Variants in ARFGAP1 observed in about 807,000 individuals in gnomAD.
ARFGAP1 encodes ARF GTPase activating protein 1, also known as ADP-ribosylation factor GTPase-activating protein 1.
In ARFGAP1, 26 loss-of-function variants were observed where a neutral mutation model predicts 54.0. That is an observed-to-expected ratio of 0.48 (90% CI 0.35 to 0.67). The LOEUF (loss-of-function observed/expected upper bound fraction) is 0.67, where lower values mean the gene tolerates loss of function less well. Ranked by LOEUF, ARFGAP1 falls within the 30% of genes least tolerant of loss-of-function variation. The pLI, the probability that ARFGAP1 is intolerant of heterozygous loss-of-function variation, is 0.00. For synonymous variants in ARFGAP1, 248 were observed against 211.9 expected, an observed-to-expected ratio of 1.17 and a Z score of -1.48; for missense variants, 525 against 535.8, an observed-to-expected ratio of 0.98 and a Z score of 0.20.
intron 8 of ARFGAP1, 53 bp from the exon 9 acceptor site, chr20:63,282,766 G>A: frequency 6.2e-7 from 1 of 1,602,242 alleles, no homozygotes; most frequent in African/African-American, 1.3e-5. Context: ...GAGGAAGGAT[G>A]CCTGGCAGCC....
intron 11 of ARFGAP1, 91 bp from the exon 12 acceptor site, chr20:63,286,275 G>T: frequency 6.3e-7 from 1 of 1,586,674 alleles, no homozygotes; most frequent in South Asian, 1.1e-5. Context: ...TTCTCAGCGG[G>T]ACGGCGCGTG....
chr20:63,275,756 G>A (rs1177966126), intron 2 of ARFGAP1, 116 bp downstream of exon 2: 22 of 1,064,234 alleles, frequency 2.1e-5, no homozygotes, highest in South Asian at 8.0e-5. Context: ...GGTGGTTGGC[G>A]TGGCTCTGGA....
chr20:63,280,743 T>C (rs2067359159), intron 7 of ARFGAP1, among the ~76,000 whole-genome samples: 3 of 152,254 alleles, frequency 2.0e-5, no homozygotes, highest in African/African-American at 7.2e-5. Flanking sequence ...AGCTGCTCTC[T>C]GGGGAAGGCA....
In ARFGAP1 at chr20:63,278,892, T is replaced by C; in HGVS notation, c.531-7T>C. On this transcript the variant is annotated splice_polypyrimidine_tract_variant and splice_region_variant and intron_variant, in intron 6 of 12. Transcript: ENST00000370283. ...CATCTTCGGCCTCTTGTCCGCTTTG[T>C]TTTCAGGGCCCAGGGGAATCGCTAC... 6.2e-7 allele frequency: 1 copy of C among 1,614,064 alleles called. No individual in the cohort carries two copies. The highest frequency in any genetic ancestry group is 8.5e-7 in the Non-Finnish European group (1 of 1,179,936).
chr20:63,272,985 G>T (rs555460878), intron 1 of ARFGAP1, 65 bp downstream of exon 1: 4 of 151,936 alleles, frequency 2.6e-5, no homozygotes, highest in Admixed American at 6.6e-5. Flanking sequence ...GTCGTCCCCG[G>T]CCTTCGCGGG....
chr20:63,273,363 C>T (rs1007462200), intron 1 of ARFGAP1: 1 of 152,248 alleles, frequency 6.6e-6, no homozygotes, highest in Non-Finnish European at 1.5e-5. Flanking sequence ...TGGACACATC[C>T]CAGTCAGGTG....
intron 8 of ARFGAP1, among the ~76,000 whole-genome samples, chr20:63,281,844 G>A (rs534107749): frequency 9.2e-5 from 14 of 152,336 alleles, no homozygotes; most frequent in Admixed American, 2.6e-4. Context: ...CCAGGATGGA[G>A]CATGGGCCCC....
At chr20:63,283,827 CTG>C (rs755228691) in intron 9 of ARFGAP1, 2 of 1,613,574 alleles carry the variant, frequency 1.2e-6, no homozygotes, top group Non-Finnish European at 1.7e-6. Context: ...CTCTCCTCAC[CTG>C]TCTTCTTGCT....
At chr20:63,275,381 G>A (rs1365159083) in intron 1 of ARFGAP1, among the ~76,000 whole-genome samples, 196 bp from the exon 2 acceptor site, 1 of 152,162 alleles carries the variant, frequency 6.6e-6, no homozygotes, top group Non-Finnish European at 1.5e-5. Flanking sequence ...CCTCCTGGGG[G>A]TATGGGGAAC....
chr20:63,286,122 T>C, intron 11 of ARFGAP1: 1 of 1,550,208 alleles, frequency 6.5e-7, no homozygotes, highest in Non-Finnish European at 8.7e-7. Flanking sequence ...CCCAAGCATG[T>C]GGTGGGAGCT....
At chr20:63,283,639 A>G (rs1001993191) in intron 9 of ARFGAP1, 32 of 481,632 alleles carry the variant, frequency 6.6e-5, no homozygotes, top group African/African-American at 4.2e-4. Flanking sequence ...TGGGCCTCCC[A>G]GGGTCCTGAG....
At chr20:63,278,000 C>G in intron 5 of ARFGAP1, 117 bp from the exon 6 acceptor site, 2 of 893,894 alleles carry the variant, frequency 2.2e-6, no homozygotes, top group Non-Finnish European at 3.6e-6. Context: ...CTCAGGTGCT[C>G]TCAGGGGTGA....
chr20:63,284,935 T>C lies in ARFGAP1; in HGVS notation c.774+13T>C. ...TGCGCAGGAGAAGGTAACGGGCAGC[T>C]CCGGGTGGTTGTGCCTGGAGCCCTT... On this transcript the variant is annotated intron_variant, in intron 10 of 12. Coordinates refer to ENST00000370283, the MANE Select transcript of ARFGAP1 (RefSeq NM_018209.4). The C allele has an allele frequency of 1.9e-6, 3 of 1,613,014 alleles. No individual in the cohort carries two copies. The South Asian group carries it at 3.3e-5, about 18-fold the overall frequency.
At position 63,288,877 on chromosome 20, in the gene ARFGAP1, GAAGCT is replaced by G. The variant is rs1444275855; in HGVS notation, c.*1005_*1009del. On this transcript the variant is annotated 3_prime_UTR_variant, in exon 13 of 13. Transcript: ENST00000370283. Reference sequence around the variant, plus strand: ...GTCTTGGCCAGCCATGCATGCGCCCGAAGCTCGTGCAGTTTGTACGTGAGGTGCTC... The same window carrying G: ...GTCTTGGCCAGCCATGCATGCGCCCGCGTGCAGTTTGTACGTGAGGTGCTC... The G allele has an allele frequency of 2.2e-5, 6 of 275,940 alleles. No homozygotes were observed. The highest frequency in any genetic ancestry group is 4.4e-5 in the Non-Finnish European group (6 of 137,140). 17.1% of individuals were successfully genotyped at this position (275,940 alleles called of 1,614,324 possible).
chr20:63,284,826 T>C (rs1340416537), intron 9 of ARFGAP1, 40 bp from the exon 10 acceptor site: 4 of 1,610,110 alleles, frequency 2.5e-6, no homozygotes, highest in Non-Finnish European at 3.4e-6. Context: ...TGTCCCGTGG[T>C]GGAGCTGTCG....
chr20:63,273,663 G>C (rs77044240), intron 1 of ARFGAP1: 9,280 of 152,272 alleles, frequency 0.061, 370 homozygotes, highest in Middle Eastern at 0.11. Flanking sequence ...AGTTCTGTGA[G>C]TATCCTGTAT....
chr20:63,285,776 G>A, intron 11 of ARFGAP1, 63 bp downstream of exon 11: 6 of 1,583,338 alleles, frequency 3.8e-6, no homozygotes, highest in Non-Finnish European at 5.2e-6. Flanking sequence ...ACGGCCCTGG[G>A]CGTGAGAGCA....
In ARFGAP1 at chr20:63,276,583, G is replaced by A. The variant is rs2067242473; in HGVS notation, c.274G>A (p.Asp92Asn). Residue 92 changes from aspartate (D) to asparagine (N), a missense_variant, in exon 4 of 13, where the codon GAT becomes AAT. By Grantham distance (23) the Asp-to-Asn change is conservative. Around this residue, in one of 3 missense-constraint regions of ARFGAP1, gnomAD observed 466 missense variants for 453.6 expected, o/e 1.03. Coordinates refer to ENST00000370283, the MANE Select transcript of ARFGAP1 (RefSeq NM_018209.4). The surrounding 1 kb of genome is among the most constrained non-coding windows in gnomAD (Gnocchi z 5.2). ...KFREFLESQE[D>N]YDPCWSLQEK... The stretch of plus-strand genomic sequence containing the variant: ...CCGAGAGTTCCTGGAGTCTCAGGAG[G>A]ATTACGATCCTTGCTGGTCCTTGCA... The A allele has an allele frequency of 6.2e-7, 1 of 1,614,050 alleles. No homozygotes were observed. Among genetic ancestry groups the A allele is most frequent in the Non-Finnish European group, 8.5e-7 (1 of 1,179,994 alleles).
At position 63,286,269 on chromosome 20, in the gene ARFGAP1, C is replaced by T. The variant is rs147171856; in HGVS notation, c.835-97C>T. ...TTTCTGGATTTTGCCTGGGTCTTCT[C>T]AGCGGGACGGCGCGTGCCGGCTTGC... is the stretch of plus-strand genomic sequence containing the variant. On this transcript the variant is annotated intron_variant, in intron 11 of 12. Coordinates refer to ENST00000370283, the MANE Select transcript of ARFGAP1 (RefSeq NM_018209.4). 2.3e-4 allele frequency: 360 copies of T among 1,579,386 alleles called. 3 individuals carry two copies. In the African/African-American group the frequency reaches 3.8e-3, roughly 17 times the overall value.
Sources: allele counts gnomAD v4.1 joint callset (sites outside exome capture counted in the v4.1 genomes callset), GRCh38; gene constraint gnomAD v4.1.1; regional missense constraint gnomAD v4.1.1; non-coding constraint Gnocchi (gnomAD v3.1); transcripts MANE v1.5; gene names NCBI Gene and HGNC (gene_info 2026-07-23, HGNC 2026-07-21).